The following ALPK2 variants were observed in gnomAD, a reference collection of about 807,000 sequenced individuals.
The protein encoded by ALPK2 is alpha-protein kinase 2.
A neutral mutation model predicts 163.1 loss-of-function variants in ALPK2; 127 were observed. The observed-to-expected ratio is 0.78, with a 90% confidence interval of 0.67 to 0.90. The LOEUF (loss-of-function observed/expected upper bound fraction) is 0.90, where lower values mean the gene tolerates loss of function less well. Among genes scored for constraint, ALPK2 ranks in the 40% least tolerant of loss-of-function variants. The pLI is 0.00. For missense variants in ALPK2, 2,360 were observed against 2,589.6 expected (o/e 0.91, Z 1.92); for synonymous variants, 953 against 959.1 (o/e 0.99, Z 0.12).
chr18:58,550,824 C>G (rs1462896498), intron 4 of ALPK2, among the ~76,000 whole-genome samples: 6 of 150,664 alleles, frequency 4.0e-5, no homozygotes, highest in Non-Finnish European at 1.5e-5. Context: ...CTATCTCCAT[C>G]ATATACAACT....
At chr18:58,500,295 A>T (rs1042015466) in intron 11 of ALPK2, among the ~76,000 whole-genome samples, 2 of 151,588 alleles carry the variant, frequency 1.3e-5, no homozygotes, top group Admixed American at 6.6e-5. Flanking sequence ...ATCTTGTTTC[A>T]TGGAAAATTG....
chr18:58,571,427 GAAAA>G (rs77059313), intron 4 of ALPK2, among the ~76,000 whole-genome samples: 1 of 108,730 alleles, frequency 9.2e-6, no homozygotes, highest in Non-Finnish European at 1.9e-5. Context: ...ACATCCACAG[GAAAA>G]AAAAAAAAAA....
At chr18:58,513,738 G>T (rs1423684704) in intron 10 of ALPK2, among the ~76,000 whole-genome samples, 2 of 152,112 alleles carry the variant, frequency 1.3e-5, no homozygotes, top group African/African-American at 4.8e-5. Flanking sequence ...TAATTAGCCA[G>T]GTGTGGTGGT....
At chr18:58,625,214 A>G (rs137984732) in intron 1 of ALPK2, among the ~76,000 whole-genome samples, 13 of 150,634 alleles carry the variant, frequency 8.6e-5, no homozygotes, top group African/African-American at 3.2e-4. Flanking sequence ...CCTAAAAACT[A>G]GAGACCATTA....
At position 58,501,531 on chromosome 18, in the gene ALPK2, A is replaced by G. The variant is rs564130903; in HGVS notation, c.6247+2400T>C. On this transcript the variant is annotated intron_variant, in intron 11 of 12. Transcript: ENST00000361673. ...TCCTTCCAAGGGCTTAGGAGGAAGA[A>G]CCGTACACATACCAGAGCCCTCTAA... is the stretch of plus-strand genomic sequence containing the variant. 3.2e-4 allele frequency among the ~76,000 whole-genome samples: 49 copies of G among 152,354 alleles called. No individual in the cohort carries two copies. The South Asian group carries it at 9.1e-3, about 28-fold the overall frequency.
At chr18:58,541,658 A>G (rs1040760075) in intron 4 of ALPK2, among the ~76,000 whole-genome samples, 1 of 152,250 alleles carries the variant, frequency 6.6e-6, no homozygotes, top group Non-Finnish European at 1.5e-5. Context: ...GGAAACATCA[A>G]TGAACATAAC....
In ALPK2 at chr18:58,535,390, C is replaced by T; in HGVS notation, c.4797G>A (p.Leu1599=). Residue 1599 remains leucine, a synonymous_variant, in exon 5 of 13, where the codon TTG becomes TTA. Transcript: ENST00000361673. ...ACCTGGTAAGATCAGGAGAAGAGGG[C>T]AAAGGTTTCCCACGCTCATTCTCAA... ...GTIENERGKP[L]PSSPDLTRFP... The T allele has an allele frequency of 6.2e-7, 1 of 1,614,180 alleles. No individual in the cohort carries two copies. Among genetic ancestry groups the T allele is most frequent in the South Asian group, 1.1e-5 (1 of 91,076 alleles).
intron 12 of ALPK2, among the ~76,000 whole-genome samples, chr18:58,483,596 G>A (rs2051322958): frequency 6.6e-6 from 1 of 151,266 alleles, no homozygotes; most frequent in African/African-American, 2.4e-5. Flanking sequence ...TGTTGCCCAG[G>A]CTGGAGTGCA....
rs181978619 is a variant in ALPK2, at chr18:58,494,792, G to A, written c.6296+3257C>T. ...CTGCTGTCTGCAGTCTGCGATGCTCGCCTTCCTTTCTTCCCCAGCTCATTT... is the reference window on the plus strand; with the variant it reads ...CTGCTGTCTGCAGTCTGCGATGCTCACCTTCCTTTCTTCCCCAGCTCATTT... On this transcript the variant is annotated intron_variant, in intron 12 of 12. Transcript: ENST00000361673. 3.3e-4 allele frequency among the ~76,000 whole-genome samples: 50 copies of A among 152,240 alleles called. No individual in the cohort carries two copies. The East Asian group carries it at 8.1e-3, about 25-fold the overall frequency.
intron 8 of ALPK2, among the ~76,000 whole-genome samples, chr18:58,523,064 T>TC (rs1203228199): frequency 4.6e-5 from 2 of 43,646 alleles, no homozygotes; most frequent in Non-Finnish European, 8.1e-5. Context: ...CCCTCCCCCC[T>TC]CCCCCCACCC....
intron 8 of ALPK2, among the ~76,000 whole-genome samples, chr18:58,519,809 T>A (rs1359851315): frequency 6.6e-6 from 1 of 152,212 alleles, no homozygotes; most frequent in Non-Finnish European, 1.5e-5. Flanking sequence ...TGCAGAAATC[T>A]GAAAGGACAG....
rs1262414889 is a variant in ALPK2 at position 58,521,626 on chromosome 18, TC to T, written c.5665+2179del. On this transcript the variant is annotated intron_variant, in intron 8 of 12. Coordinates refer to ENST00000361673, the MANE Select transcript of ALPK2 (RefSeq NM_052947.4). ...ATTTCTTTTTCTTTCTTTCTCTCTC[TC>T]TTTTTTTTTTTTTTTTTTTGAGATG... is the stretch of plus-strand genomic sequence containing the variant. Among the ~76,000 whole-genome samples, 699 of 80,312 alleles carry T rather than the reference TC, an allele frequency of 8.7e-3. 22 individuals are homozygous for T. Among genetic ancestry groups the T allele is most frequent in the African/African-American group, 0.03 (651 of 21,834 alleles). 52.7% of individuals were successfully genotyped at this position (80,312 alleles called of 152,430 possible).
intron 1 of ALPK2, among the ~76,000 whole-genome samples, chr18:58,623,944 A>G (rs1381559382): frequency 6.6e-6 from 1 of 152,210 alleles, no homozygotes; most frequent in Admixed American, 6.5e-5. Context: ...CTTTATAACT[A>G]AGGGAAGAAG....
At chr18:58,617,321 G>T (rs1474841971) in intron 1 of ALPK2, among the ~76,000 whole-genome samples, 1 of 152,076 alleles carries the variant, frequency 6.6e-6, no homozygotes, top group African/African-American at 2.4e-5. Flanking sequence ...TGAGTAGCTG[G>T]GATTACAGGC....
chr18:58,531,935 CAAA>C (rs35957271), intron 5 of ALPK2, among the ~76,000 whole-genome samples: 35 of 49,602 alleles, frequency 7.1e-4, no homozygotes, highest in East Asian at 5.6e-3. Flanking sequence ...GGCTCCGTCT[CAAA>C]AAAAAAAAAA....
At chr18:58,531,110 G>T (rs575255270) in intron 5 of ALPK2, among the ~76,000 whole-genome samples, 17 of 152,270 alleles carry the variant, frequency 1.1e-4, no homozygotes, top group African/African-American at 3.9e-4. Flanking sequence ...TGGGAGGATC[G>T]GTTGAGCACA....
intron 4 of ALPK2, among the ~76,000 whole-genome samples, chr18:58,573,924 C>T (rs1162144703): frequency 2.6e-5 from 4 of 152,088 alleles, no homozygotes; most frequent in Non-Finnish European, 5.9e-5. Flanking sequence ...GAATTCCAGA[C>T]AGAAAGATGG....
intron 2 of ALPK2, among the ~76,000 whole-genome samples, chr18:58,609,239 C>A (rs1273785094): frequency 1.3e-5 from 2 of 152,186 alleles, no homozygotes; most frequent in Non-Finnish European, 2.9e-5. Context: ...GGGCTTGGAA[C>A]AGATAGACCT....
At position 58,499,094 on chromosome 18, in the gene ALPK2, G is replaced by A. The variant is rs1029906541; in HGVS notation, c.6248-997C>T. Among the ~76,000 whole-genome samples, 5 of 152,154 alleles carry A rather than the reference G, an allele frequency of 3.3e-5. 1 individual carries two copies. The highest frequency in any genetic ancestry group is 2.0e-4 in the Admixed American group (3 of 15,278). ...GTAGACACTGAACCAATGGCCTGGC[G>A]AAGCAGACATTTGGAACACGTGGTC... is the stretch of plus-strand genomic sequence containing the variant. On this transcript the variant is annotated intron_variant, in intron 11 of 12. Transcript: ENST00000361673.
Sources: gnomAD v4.1 joint callset for allele counts (sites outside exome capture counted in the v4.1 genomes callset) on GRCh38, gnomAD v4.1.1 for gene constraint, MANE v1.5 for transcripts, NCBI Gene and HGNC (gene_info 2026-07-23, HGNC 2026-07-21) for gene names.